The following FOCAD variants were observed in gnomAD, a reference collection of about 807,000 sequenced individuals.
FOCAD encodes KIAA1797.
Under a neutral mutation model 225.6 loss-of-function variants are expected in FOCAD, and 198 were observed. The observed-to-expected ratio is 0.88, with a 90% CI of 0.78 to 0.99. The LOEUF (loss-of-function observed/expected upper bound fraction) is 0.99, where lower values mean the gene tolerates loss of function less well. Ranked by LOEUF, FOCAD falls within the 50% of genes least tolerant of loss-of-function variation. FOCAD has a pLI of 0.00. For missense variants in FOCAD, 2,713 were observed against 2,123.6 expected (o/e 1.28, Z -5.46); for synonymous variants, 897 against 755.0 (o/e 1.19, Z -3.08).
rs542896424 is a variant in FOCAD at position 20,771,141 on chromosome 9, A to T, written c.906+903A>T. 2.6e-5 allele frequency among the ~76,000 whole-genome samples: 4 copies of T among 152,354 alleles called. No individual in the cohort carries two copies. In the South Asian group the frequency reaches 8.3e-4, roughly 32 times the overall value. On this transcript the variant is annotated intron_variant, in intron 8 of 43. Coordinates refer to ENST00000338382, the MANE Select transcript of FOCAD (RefSeq NM_001375567.1). ...AAGGGCATTCCAGCTGTAGAACAGC[A>T]TGTGCCCAAATAGAGAGACATGAAA...
intron 1 of FOCAD, among the ~76,000 whole-genome samples, chr9:20,713,146 T>G (rs952229277): frequency 3.9e-5 from 6 of 152,172 alleles, no homozygotes; most frequent in African/African-American, 1.4e-4. Flanking sequence ...TCCTACTGCC[T>G]CTTTGTGCAG....
rs567382121 is a variant in FOCAD at position 20,793,574 on chromosome 9, T to C, written c.1455+3966T>C. On this transcript the variant is annotated intron_variant, in intron 11 of 43. Transcript: ENST00000338382. ...CCCCTACCACTGTGATGCTTACTAA[T>C]GTACTGAAACAAAATCCGTTTGTCT... 2.0e-5 allele frequency among the ~76,000 whole-genome samples: 3 copies of C among 152,308 alleles called. No homozygotes were observed. In the East Asian group the frequency reaches 5.8e-4, roughly 29 times the overall value.
chr9:20,930,371 A>G (rs1835352535), intron 27 of FOCAD, among the ~76,000 whole-genome samples: 1 of 152,216 alleles, frequency 6.6e-6, no homozygotes, highest in African/African-American at 2.4e-5. Context: ...CTACAATATG[A>G]ATACTTGCTT....
intron 1 of FOCAD, among the ~76,000 whole-genome samples, chr9:20,714,555 A>G (rs567303705): frequency 1.3e-5 from 2 of 152,030 alleles, no homozygotes; most frequent in African/African-American, 4.8e-5. Context: ...TCCTCTTATT[A>G]GTTCCATGGT....
chr9:20,728,745 T>G (rs570688061), intron 4 of FOCAD, among the ~76,000 whole-genome samples: 1 of 152,350 alleles, frequency 6.6e-6, no homozygotes, highest in East Asian at 1.9e-4. Flanking sequence ...TATTGTAGAC[T>G]TTTGGCAGCA....
intron 35 of FOCAD, among the ~76,000 whole-genome samples, chr9:20,963,728 CT>C (rs1564211333): frequency 1.3e-5 from 2 of 152,106 alleles, no homozygotes; most frequent in South Asian, 4.1e-4. Flanking sequence ...TTTGTGTTTT[CT>C]TTTTTGTGAA....
intron 11 of FOCAD, among the ~76,000 whole-genome samples, chr9:20,800,599 G>C (rs539768021): frequency 3.3e-5 from 5 of 151,906 alleles, no homozygotes; most frequent in East Asian, 2.0e-4. Flanking sequence ...TCATTCATTT[G>C]ATCTTCCATC....
Position 20,785,973 on chromosome 9 carries a change from T to C in FOCAD, c.1198-3378T>C, listed in dbSNP as rs539530128. On this transcript the variant is annotated intron_variant, in intron 10 of 43. Transcript: ENST00000338382. ...CTAGTAGGTGTGAAGTGGTATTTCA[T>C]TGTGGTTTTGTTTTGCATTTCCCTG... 4.6e-5 allele frequency among the ~76,000 whole-genome samples: 7 copies of C among 152,324 alleles called. No individual in the cohort carries two copies. In the East Asian group the frequency reaches 1.2e-3, roughly 25 times the overall value.
rs542561286 is a variant in FOCAD at position 20,928,473 on chromosome 9, T to C, written c.3079-885T>C. 5.9e-5 allele frequency among the ~76,000 whole-genome samples: 9 copies of C among 152,310 alleles called. No homozygotes were observed. In the East Asian group the frequency reaches 1.7e-3, roughly 29 times the overall value. ...TTAACTGCAAGGGACAACACTGCCC[T>C]TATGGTGTGTCTGAAACTTTAAATT... On this transcript the variant is annotated intron_variant, in intron 26 of 43. Coordinates refer to ENST00000338382, the MANE Select transcript of FOCAD (RefSeq NM_001375567.1).
intron 9 of FOCAD, among the ~76,000 whole-genome samples, chr9:20,780,307 C>G (rs924288461): frequency 6.6e-6 from 1 of 152,000 alleles, no homozygotes; most frequent in African/African-American, 2.4e-5. Context: ...TGTTTTCTGA[C>G]AAAAAAATTC....
chr9:20,782,261 G>A (rs7042524), intron 10 of FOCAD, among the ~76,000 whole-genome samples: 142,868 of 152,286 alleles, frequency 0.94, 67,062 homozygotes, highest in East Asian at 1. Context: ...AAATTATACT[G>A]TTAGTTAAGT....
In FOCAD at chr9:20,952,976, T is replaced by C. The variant is rs1474281579; in HGVS notation, c.4052-9T>C. The C allele has an allele frequency of 1.2e-6, 2 of 1,610,730 alleles. No individual in the cohort carries two copies. The highest frequency in any genetic ancestry group is 2.2e-5 in the East Asian group (1 of 44,812). On this transcript the variant is annotated splice_polypyrimidine_tract_variant and intron_variant, in intron 34 of 43. Transcript: ENST00000338382. ...CACTGGTTAATTTGATCATTTTCTG[T>C]CTCCACAGTTCCTACTGACTATAGC...
intron 4 of FOCAD, among the ~76,000 whole-genome samples, chr9:20,731,203 A>C (rs1826660900): frequency 6.6e-6 from 1 of 152,130 alleles, no homozygotes; most frequent in South Asian, 2.1e-4. Flanking sequence ...GTGCCACTGC[A>C]CTCCAGCCTG....
At chr9:20,661,049 T>A (rs1371918965) in intron 2 of FOCAD, among the ~76,000 whole-genome samples, 1 of 151,992 alleles carries the variant, frequency 6.6e-6, no homozygotes, top group Non-Finnish European at 1.5e-5. Flanking sequence ...AAGGGATGTT[T>A]TAGAGAAATT....
intron 35 of FOCAD, among the ~76,000 whole-genome samples, chr9:20,956,279 G>A (rs1838129955): frequency 6.6e-6 from 1 of 152,238 alleles, no homozygotes; most frequent in Non-Finnish European, 1.5e-5. Context: ...GTTTTCTGAT[G>A]AAATCATGGA....
At chr9:20,854,872 T>A (rs939084067) in intron 15 of FOCAD, among the ~76,000 whole-genome samples, 4 of 151,816 alleles carry the variant, frequency 2.6e-5, no homozygotes, top group African/African-American at 4.8e-5. Context: ...GATTTAGCAT[T>A]GTAGGCTGGC....
chr9:20,942,443 A>T (rs1221638892), intron 28 of FOCAD, among the ~76,000 whole-genome samples: 1 of 152,246 alleles, frequency 6.6e-6, no homozygotes, highest in Non-Finnish European at 1.5e-5. Context: ...TTTGTTTTCC[A>T]GATGAGCCCA....
intron 24 of FOCAD, among the ~76,000 whole-genome samples, chr9:20,918,258 A>G (rs1035702160): frequency 1.3e-5 from 2 of 152,250 alleles, no homozygotes; most frequent in Non-Finnish European, 2.9e-5. Context: ...CCTAAAGCAA[A>G]TTATAATTCC....
chr9:20,736,225 AT>A lies in FOCAD; in HGVS notation c.288-4003del, dbSNP rs145462404. ...TTTATAAAATTTAAGAGGTTATAGG[AT>A]TTTTTTTATCCTTTGAGAAATGTCA... On this transcript the variant is annotated intron_variant, in intron 4 of 43. Transcript: ENST00000338382. Among the ~76,000 whole-genome samples the A allele has an allele frequency of 8.6e-4, 130 of 151,904 alleles. 1 individual carries two copies. The East Asian group carries it at 0.023, about 27-fold the overall frequency.
Sources: gnomAD v4.1 joint callset for allele counts (sites outside exome capture counted in the v4.1 genomes callset) on GRCh38, gnomAD v4.1.1 for gene constraint, MANE v1.5 for transcripts, NCBI Gene and HGNC (gene_info 2026-07-23, HGNC 2026-07-21) for gene names.